SDK1: variants seen among roughly 807,000 people sequenced by gnomAD.
The protein encoded by SDK1 is sidekick cell adhesion molecule 1.
A neutral mutation model predicts 245.5 loss-of-function variants in SDK1; 157 were observed. That is an observed-to-expected ratio of 0.64 (90% CI 0.56 to 0.73). SDK1 has a LOEUF of 0.73. SDK1 is among the 30% of genes least tolerant of loss of function. The probability of loss-of-function intolerance (pLI) is 0.00; values close to 1 mark genes in which losing one functional copy is unlikely to be tolerated. For missense variants in SDK1, 3,583 were observed against 3,002.3 expected (o/e 1.19, Z -4.52); for synonymous variants, 1,647 against 1,278.5 (o/e 1.29, Z -6.15).
chr7:3,396,367 G>T (rs529690161), intron 1 of SDK1, among the ~76,000 whole-genome samples: 15 of 151,882 alleles, frequency 9.9e-5, no homozygotes, highest in Admixed American at 2.0e-4. Flanking sequence ...TTTTGCTGCT[G>T]TTGTGTGGAG....
intron 4 of SDK1, among the ~76,000 whole-genome samples, chr7:3,808,620 G>C (rs1344785646): frequency 2.0e-5 from 3 of 152,190 alleles, no homozygotes; most frequent in African/African-American, 7.2e-5. Flanking sequence ...TAGGGGACCA[G>C]GATTTTAAAG....
chr7:3,864,615 C>T (rs1015857754), intron 5 of SDK1, among the ~76,000 whole-genome samples: 11 of 152,106 alleles, frequency 7.2e-5, no homozygotes, highest in Admixed American at 2.6e-4. Flanking sequence ...GCCCCAAGGA[C>T]GTGAGGGGCA....
chr7:4,251,284 A>C (rs1245499161), intron 44 of SDK1, among the ~76,000 whole-genome samples: 1 of 152,236 alleles, frequency 6.6e-6, no homozygotes, highest in Admixed American at 6.5e-5. Context: ...TTCAGCACAC[A>C]ACATCCTCAT....
At chr7:3,364,616 T>C (rs942888063) in intron 1 of SDK1, among the ~76,000 whole-genome samples, 4 of 152,222 alleles carry the variant, frequency 2.6e-5, no homozygotes, top group African/African-American at 9.6e-5. Context: ...TTGCATTTTC[T>C]ACTCTATTTC....
Position 4,265,598 on chromosome 7 carries a change from GTTTC to G in SDK1, c.*218_*221del. 1 of 1,339,148 alleles carries G rather than the reference GTTTC, an allele frequency of 7.5e-7. No individual in the cohort carries two copies. The highest frequency in any genetic ancestry group is 2.1e-5 in the South Asian group (1 of 46,546). 83.0% of individuals were successfully genotyped at this position (1,339,148 alleles called of 1,614,324 possible). On this transcript the variant is annotated 3_prime_UTR_variant, in exon 45 of 45. Transcript: ENST00000404826. ...TAACTTCGCTGCAGGAAGCAGGTTT[GTTTC>G]TTTTTCTTTTCTTTTTAAGAGAAGG...
intron 2 of SDK1, among the ~76,000 whole-genome samples, chr7:3,633,020 G>C (rs762684219): frequency 1.4e-4 from 21 of 152,056 alleles, no homozygotes; most frequent in Non-Finnish European, 2.4e-4. Context: ...AAAGAGAATT[G>C]ATGTATTTCC....
At chr7:3,400,058 TCAGA>T (rs1232308269) in intron 1 of SDK1, among the ~76,000 whole-genome samples, 6 of 151,968 alleles carry the variant, frequency 3.9e-5, no homozygotes, top group Non-Finnish European at 7.4e-5. Context: ...GTGAAGCAGG[TCAGA>T]CAGTGACAGT....
chr7:3,617,184 A>G (rs1323411974), intron 1 of SDK1, among the ~76,000 whole-genome samples: 3 of 152,212 alleles, frequency 2.0e-5, no homozygotes, highest in African/African-American at 7.2e-5. Flanking sequence ...GCACAAAGTA[A>G]ATAATAAATA....
chr7:4,066,684 A>T (rs1288687136), intron 19 of SDK1, among the ~76,000 whole-genome samples: 1 of 152,098 alleles, frequency 6.6e-6, no homozygotes, highest in Non-Finnish European at 1.5e-5. Context: ...GACCGATGGG[A>T]CCTGCTATGG....
chr7:3,351,036 A>C (rs1054993070), intron 1 of SDK1, among the ~76,000 whole-genome samples: 1 of 152,198 alleles, frequency 6.6e-6, no homozygotes, highest in Non-Finnish European at 1.5e-5. Context: ...TGTTGTGATA[A>C]TATATCTTAG....
At chr7:3,483,700 A>C (rs1196514704) in intron 1 of SDK1, among the ~76,000 whole-genome samples, 1 of 152,180 alleles carries the variant, frequency 6.6e-6, no homozygotes, top group East Asian at 1.9e-4. Context: ...ACCTTTTATC[A>C]GAATTTGCTA....
At chr7:4,004,102 G>C (rs758459641) in intron 14 of SDK1, among the ~76,000 whole-genome samples, 1 of 152,210 alleles carries the variant, frequency 6.6e-6, no homozygotes, top group African/African-American at 2.4e-5. Flanking sequence ...AAAGTTGAAC[G>C]TGGACACATA....
At chr7:3,817,411 C>T (rs1186105105) in intron 4 of SDK1, among the ~76,000 whole-genome samples, 4 of 152,148 alleles carry the variant, frequency 2.6e-5, no homozygotes, top group African/African-American at 7.2e-5. Flanking sequence ...GTGGGATTTC[C>T]AATAGTTGCT....
intron 1 of SDK1, among the ~76,000 whole-genome samples, chr7:3,560,302 A>C (rs562020279): frequency 6.6e-6 from 1 of 152,280 alleles, no homozygotes; most frequent in Non-Finnish European, 1.5e-5. Flanking sequence ...CTATATGCTG[A>C]TGATATCCAA....
At chr7:4,003,385 A>G (rs1785219585) in intron 14 of SDK1, among the ~76,000 whole-genome samples, 1 of 152,194 alleles carries the variant, frequency 6.6e-6, no homozygotes, top group African/African-American at 2.4e-5. Flanking sequence ...TGACACTAGT[A>G]TGGTGCCTTT....
At chr7:4,208,370 T>G in intron 37 of SDK1, 85 bp downstream of exon 37, 1 of 1,286,382 alleles carries the variant, frequency 7.8e-7, no homozygotes, top group Non-Finnish European at 1.1e-6. Flanking sequence ...CACACAGTGG[T>G]TCCCGGCCCG....
chr7:4,056,020 T>G (rs771865632), intron 19 of SDK1, among the ~76,000 whole-genome samples: 5 of 152,200 alleles, frequency 3.3e-5, no homozygotes, highest in African/African-American at 1.2e-4. Flanking sequence ...TATTTTATAT[T>G]TGTTGAAGTT....
Position 4,118,338 on chromosome 7 carries a change from T to A in SDK1, c.3823+4064T>A, listed in dbSNP as rs191609252. Among the ~76,000 whole-genome samples the A allele has an allele frequency of 2.1e-3, 318 of 152,298 alleles. 2 individuals are homozygous for A. The highest frequency in any genetic ancestry group is 7.3e-3 in the African/African-American group (303 of 41,562). ...CACATGAAAACATGCTCAACATCAT[T>A]AACTGTTAGGGAAATGCAAATCTAA... On this transcript the variant is annotated intron_variant, in intron 25 of 44. Transcript: ENST00000404826.
At chr7:3,505,970 C>G (rs1035221032) in intron 1 of SDK1, among the ~76,000 whole-genome samples, 36 of 152,196 alleles carry the variant, frequency 2.4e-4, no homozygotes, top group Non-Finnish European at 4.6e-4. Flanking sequence ...GTTATAAGCT[C>G]TACAATACAT....
Sources: allele counts gnomAD v4.1 joint callset (sites outside exome capture counted in the v4.1 genomes callset), GRCh38; gene constraint gnomAD v4.1.1; transcripts MANE v1.5; gene names NCBI Gene and HGNC (gene_info 2026-07-23, HGNC 2026-07-21).